Variants in XPO1 observed in about 807,000 individuals in gnomAD.
The protein encoded by XPO1 is exportin-1.
In XPO1, 5 loss-of-function variants were observed where a neutral mutation model predicts 133.3. The ratio of observed to expected loss-of-function variants is 0.04; its 90% CI spans 0.02 to 0.08. The LOEUF is 0.08. XPO1 is among the 10% of genes least tolerant of loss of function. XPO1 has a pLI of 1.00. For synonymous variants in XPO1, 419 were observed against 408.2 expected (o/e 1.03, Z -0.32); for missense variants, 506 against 1,267.5 (o/e 0.40, Z 9.12).
At chr2:61,482,056 T>TTTTTTTTTTTTTTTTTTTTTTTTTTC (rs1696399014) in intron 23 of XPO1, among the ~76,000 whole-genome samples, 1 of 23,498 alleles carries the variant, frequency 4.3e-5, no homozygotes, top group Non-Finnish European at 8.2e-5. Context: ...TTTTTTTTTT[T>TTTTTTTTTTTTTTTTTTTTTTTTTTC]TGCTTTTTTA....
At chr2:61,525,380 T>A (rs1484370695) in intron 3 of XPO1, 1 of 990,980 alleles carries the variant, frequency 1.0e-6, no homozygotes, top group Non-Finnish European at 1.2e-6. Flanking sequence ...TAATATCAGG[T>A]AGTGTTAACA....
chr2:61,507,244 A>AAAAAAAAAC (rs1697871329), intron 4 of XPO1, among the ~76,000 whole-genome samples: 1 of 47,886 alleles, frequency 2.1e-5, no homozygotes, highest in Non-Finnish European at 4.3e-5. Flanking sequence ...ACTCCATCTC[A>AAAAAAAAAC]AAAAAAAAAA....
chr2:61,500,576 C>A (rs1697457187), intron 6 of XPO1, among the ~76,000 whole-genome samples: 1 of 19,118 alleles, frequency 5.2e-5, no homozygotes, highest in African/African-American at 2.6e-4. Context: ...GAGACTCCAT[C>A]TCAAAAAAAA....
chr2:61,502,614 G>T (rs1001964931), intron 4 of XPO1: 5 of 229,332 alleles, frequency 2.2e-5, no homozygotes, highest in Middle Eastern at 3.2e-3. Context: ...TTAACTGGGC[G>T]TGGTGGCGGG....
chr2:61,488,299 A>T, intron 18 of XPO1, 28 bp from the exon 19 acceptor site: 1 of 1,594,216 alleles, frequency 6.3e-7, no homozygotes, highest in Non-Finnish European at 8.6e-7. Context: ...ATGGAATCTA[A>T]TTTTACCACT....
At chr2:61,538,553 A>T (rs112273152), upstream of XPO1, 1 of 152,830 alleles carries the variant, frequency 6.5e-6, no homozygotes, top group Non-Finnish European at 1.5e-5. Flanking sequence ...GTCGAAAGGC[A>T]AGAGGAGAGG....
chr2:61,525,721 A>G (rs1698881732), intron 3 of XPO1: 2 of 1,027,504 alleles, frequency 1.9e-6, no homozygotes, highest in Middle Eastern at 4.6e-4. Flanking sequence ...TGTCAAAACT[A>G]ATTAATATTT....
At chr2:61,528,729 TTATTTA>T (rs1207680121) in intron 2 of XPO1, among the ~76,000 whole-genome samples, 7 of 98,896 alleles carry the variant, frequency 7.1e-5, no homozygotes, top group South Asian at 3.9e-4. Flanking sequence ...TGTCGACATT[TTATTTA>T]TATATATATA....
intron 2 of XPO1, among the ~76,000 whole-genome samples, chr2:61,529,449 A>T (rs1408433685): frequency 1.3e-5 from 2 of 152,194 alleles, no homozygotes; most frequent in Non-Finnish European, 2.9e-5. Context: ...CGAGGTCAGA[A>T]GTTCAAGACC....
intron 4 of XPO1, among the ~76,000 whole-genome samples, chr2:61,515,768 T>C (rs560746337): frequency 6.6e-6 from 1 of 152,032 alleles, no homozygotes; most frequent in South Asian, 2.1e-4. Flanking sequence ...AACTCAGAAA[T>C]TTTAGTGGCC....
chr2:61,512,724 C>A (rs957882112), intron 4 of XPO1, among the ~76,000 whole-genome samples: 2 of 152,188 alleles, frequency 1.3e-5, no homozygotes, highest in African/African-American at 2.4e-5. Flanking sequence ...CAGCAAAAAA[C>A]CAACAATAGC....
intron 2 of XPO1, among the ~76,000 whole-genome samples, chr2:61,528,797 T>TA (rs1289579980): frequency 6.9e-6 from 1 of 145,158 alleles, no homozygotes; most frequent in Non-Finnish European, 1.5e-5. Flanking sequence ...TTCATTTCAA[T>TA]AAGTTTTTCA....
chr2:61,528,678 C>A (rs185310314), intron 2 of XPO1, among the ~76,000 whole-genome samples: 2 of 144,012 alleles, frequency 1.4e-5, no homozygotes, highest in Admixed American at 7.1e-5. Context: ...ATCTTTCCTG[C>A]AATTAGTTTT....
intron 4 of XPO1, among the ~76,000 whole-genome samples, chr2:61,509,861 A>C (rs1427286489): frequency 1.3e-5 from 2 of 152,242 alleles, no homozygotes; most frequent in Non-Finnish European, 2.9e-5. Context: ...AGTTCAATCT[A>C]GTTTCGAATC....
At chr2:61,489,894 A>T (rs1246219389) in intron 17 of XPO1, among the ~76,000 whole-genome samples, 12 of 133,108 alleles carry the variant, frequency 9.0e-5, no homozygotes, top group African/African-American at 2.8e-4. Context: ...AAATTACAGT[A>T]TTTTTTTTTT....
rs1698751004 is a variant in XPO1, at chr2:61,522,691, T to A, written c.229-8A>T. 1.9e-6 allele frequency: 3 copies of A among 1,606,054 alleles called. No individual in the cohort carries two copies. Among genetic ancestry groups the A allele is most frequent in the Non-Finnish European group, 2.6e-6 (3 of 1,173,188 alleles). On this transcript the variant is annotated splice_polypyrimidine_tract_variant and splice_region_variant and intron_variant, in intron 3 of 24. Transcript: ENST00000401558. ...AATTTGTAGTCCATAGTACTGAAAA[T>A]TGGAGAATAGAAGCATGTGAATATA...
intron 23 of XPO1, among the ~76,000 whole-genome samples, 180 bp downstream of exon 23, chr2:61,482,196 GCATA>G (rs1278836941): frequency 6.6e-6 from 1 of 151,966 alleles, no homozygotes; most frequent in Non-Finnish European, 1.5e-5. Context: ...TCCTACAGAT[GCATA>G]CCACTTCTGA....
chr2:61,519,801 A>G (rs966576845), intron 4 of XPO1, among the ~76,000 whole-genome samples: 1 of 152,040 alleles, frequency 6.6e-6, no homozygotes, highest in African/African-American at 2.4e-5. Context: ...AAAAAAATGC[A>G]GGAATCTAAT....
In XPO1 at chr2:61,483,923, C is replaced by T. The variant is rs1365991459; in HGVS notation, c.2677+14G>A. On this transcript the variant is annotated intron_variant, in intron 21 of 24. Coordinates refer to ENST00000401558, the MANE Select transcript of XPO1 (RefSeq NM_003400.4). ...ATTGGCAGGCAAATGAATAAAAGAACATCTTTTATTTACCCGTATCTGCGA... is the reference window on the plus strand; with the variant it reads ...ATTGGCAGGCAAATGAATAAAAGAATATCTTTTATTTACCCGTATCTGCGA... The T allele has an allele frequency of 2.5e-6, 4 of 1,607,214 alleles. No individual in the cohort carries two copies. The Admixed American group carries it at 5.1e-5, about 21-fold the overall frequency.
Sources: gnomAD v4.1 joint callset for allele counts (sites outside exome capture counted in the v4.1 genomes callset) on GRCh38, gnomAD v4.1.1 for gene constraint, MANE v1.5 for transcripts, NCBI Gene and HGNC (gene_info 2026-07-23, HGNC 2026-07-21) for gene names.